WSB2: variants seen among roughly 807,000 people sequenced by gnomAD.
The protein encoded by WSB2 is WD repeat and SOCS box-containing protein 2.
A neutral mutation model predicts 48.8 loss-of-function variants in WSB2; 12 were observed. The ratio of observed to expected loss-of-function variants is 0.25; its 90% confidence interval spans 0.16 to 0.40. WSB2 has a LOEUF of 0.40. WSB2 is among the 10% of genes least tolerant of loss of function. The pLI is 1.00. For missense variants in WSB2, 317 were observed against 506.2 expected (o/e 0.63, Z 3.59); for synonymous variants, 191 against 203.1 (o/e 0.94, Z 0.51).
intron 2 of WSB2, among the ~76,000 whole-genome samples, chr12:118,048,980 C>T (rs2031796917): frequency 1.3e-5 from 2 of 152,108 alleles, no homozygotes; most frequent in Non-Finnish European, 2.9e-5. Context: ...AGCTCTAGGT[C>T]ATGTGACAGA....
intron 8 of WSB2, 82 bp downstream of exon 8, chr12:118,034,904 C>A: frequency 7.4e-7 from 1 of 1,358,246 alleles, no homozygotes; most frequent in South Asian, 1.3e-5. Flanking sequence ...CAAGAAAATT[C>A]TAGATGGTTT....
intron 7 of WSB2, 42 bp downstream of exon 7, chr12:118,035,172 G>A: frequency 1.2e-6 from 2 of 1,612,782 alleles, no homozygotes. Context: ...TTACTTGCAA[G>A]CACTTGTTCT....
intron 4 of WSB2, among the ~76,000 whole-genome samples, chr12:118,038,738 T>A (rs2031566899): frequency 6.6e-6 from 1 of 152,134 alleles, no homozygotes; most frequent in African/African-American, 2.4e-5. Flanking sequence ...TAGAATACAG[T>A]GGCGCGATCT....
At chr12:118,036,827 A>G (rs945277531) in intron 5 of WSB2, among the ~76,000 whole-genome samples, 1 of 152,202 alleles carries the variant, frequency 6.6e-6, no homozygotes, top group Non-Finnish European at 1.5e-5. Context: ...CTGTTTGCCA[A>G]TAGGGTAGTC....
chr12:118,058,594 T>C (rs926582159), intron 1 of WSB2, among the ~76,000 whole-genome samples: 1 of 152,262 alleles, frequency 6.6e-6, no homozygotes, highest in Admixed American at 6.5e-5. Context: ...TCAAGTGATC[T>C]ACCCAAGTTG....
chr12:118,058,799 C>T (rs956231088), intron 1 of WSB2, among the ~76,000 whole-genome samples: 1 of 151,816 alleles, frequency 6.6e-6, no homozygotes, highest in African/African-American at 2.4e-5. Context: ...CCAGTTCAAG[C>T]GGTTCTCCTG....
Position 118,034,340 on chromosome 12 carries a change from G to A in WSB2, c.1071C>T (p.Val357=), listed in dbSNP as rs1250976470. Residue 357 remains valine (V), a synonymous_variant, in exon 9 of 9, where the codon GTC becomes GTT. Coordinates refer to ENST00000315436, the MANE Select transcript of WSB2 (RefSeq NM_018639.5). The stretch of plus-strand genomic sequence containing the variant: ...GGACCCTAGGAGCTGTCCAGAACTG[G>A]ACGTGGCCATCTCTTGTCCTAAAAT... The part of the protein sequence containing the change: ...VIATGTRDGH[V]QFWTAPRVLS... 21 of 1,614,088 alleles carry A rather than the reference G, an allele frequency of 1.3e-5. No individual in the cohort carries two copies. Among genetic ancestry groups the A allele is most frequent in the Non-Finnish European group, 1.7e-5 (20 of 1,179,966 alleles).
rs1049680144 is a variant in WSB2, at chr12:118,033,896, C to T, written c.*300G>A. 8.4e-6 allele frequency: 3 copies of T among 358,062 alleles called. No homozygotes were observed. Among genetic ancestry groups the T allele is most frequent in the African/African-American group, 6.2e-5 (3 of 48,056 alleles). 22.2% of individuals were successfully genotyped at this position (358,062 alleles called of 1,614,324 possible). A position where few individuals can be genotyped will look rare whatever the true frequency, so the allele number is the denominator to read the frequency against. The stretch of plus-strand genomic sequence containing the variant: ...ATAATCAAAACAACATCAGTAACTG[C>T]ACTTTGAATCAAAACAAGCAGAAAG... On this transcript the variant is annotated 3_prime_UTR_variant, in exon 9 of 9. Coordinates refer to ENST00000315436, the MANE Select transcript of WSB2 (RefSeq NM_018639.5).
intron 4 of WSB2, among the ~76,000 whole-genome samples, chr12:118,041,112 G>A (rs2137773312): frequency 6.6e-6 from 1 of 152,318 alleles, no homozygotes; most frequent in Non-Finnish European, 1.5e-5. Flanking sequence ...GCCTTCAGAT[G>A]AGGATGCATG....
At chr12:118,037,556 T>A (rs1232606252) in intron 5 of WSB2, among the ~76,000 whole-genome samples, 1 of 151,496 alleles carries the variant, frequency 6.6e-6, no homozygotes, top group Non-Finnish European at 1.5e-5. Flanking sequence ...TAATCCCAGC[T>A]ACTCGGGAGG....
chr12:118,046,329 G>T (rs891153751), intron 2 of WSB2, among the ~76,000 whole-genome samples: 1 of 151,934 alleles, frequency 6.6e-6, no homozygotes, highest in South Asian at 2.1e-4. Context: ...CAGGCCTGGT[G>T]GGGGGTGCCT....
At chr12:118,057,914 A>C (rs1593475644) in intron 1 of WSB2, among the ~76,000 whole-genome samples, 2 of 140,960 alleles carry the variant, frequency 1.4e-5, no homozygotes, top group African/African-American at 2.7e-5. Context: ...GTACCACCAC[A>C]CTCAGCATTT....
intron 5 of WSB2, among the ~76,000 whole-genome samples, chr12:118,037,668 A>T (rs11068778): frequency 0.17 from 18,504 of 110,620 alleles, 1,700 homozygotes; most frequent in East Asian, 0.48. Context: ...AACTCTGTCT[A>T]AAAAAAAAAA....
intron 2 of WSB2, among the ~76,000 whole-genome samples, 162 bp from the exon 3 acceptor site, chr12:118,043,539 G>A (rs960455718): frequency 1.3e-5 from 2 of 152,272 alleles, no homozygotes; most frequent in South Asian, 4.1e-4. Flanking sequence ...CGACCTCCCT[G>A]TTCAACTGAT....
chr12:118,043,000 A>T, intron 3 of WSB2, 28 bp from the exon 4 acceptor site: 1 of 1,614,054 alleles, frequency 6.2e-7, no homozygotes, highest in Non-Finnish European at 8.5e-7. Context: ...GCACTGAGTC[A>T]GCCAGAGAGG....
chr12:118,060,752 C>A lies in WSB2; in HGVS notation c.13+284G>T, dbSNP rs2032045977. 1.3e-5 allele frequency among the ~76,000 whole-genome samples: 2 copies of A among 152,086 alleles called. 1 individual carries two copies. The highest frequency in any genetic ancestry group is 4.8e-5 in the African/African-American group (2 of 41,452). ...CGCCCCGAGTCCCACCCGGGAGCCC[C>A]CTCTGTCCCGGTCGGGGGATCTCCT... is the stretch of plus-strand genomic sequence containing the variant. On this transcript the variant is annotated intron_variant, in intron 1 of 8. Coordinates refer to ENST00000315436, the MANE Select transcript of WSB2 (RefSeq NM_018639.5). The surrounding 1 kb of genome is among the most constrained non-coding windows in gnomAD (Gnocchi z 4.1).
intron 1 of WSB2, among the ~76,000 whole-genome samples, chr12:118,056,001 C>T (rs2031951897): frequency 6.6e-6 from 1 of 151,748 alleles, no homozygotes; most frequent in African/African-American, 2.4e-5. Context: ...AACCCCTCTC[C>T]ATCTCTACTC....
intron 1 of WSB2, among the ~76,000 whole-genome samples, chr12:118,059,314 C>G (rs1403358238): frequency 6.6e-6 from 1 of 151,698 alleles, no homozygotes; most frequent in Non-Finnish European, 1.5e-5. Context: ...GTTCTTTTTT[C>G]TTTTTTTTAA....
rs1431932370 is a variant in WSB2 at position 118,041,777 on chromosome 12, CAG to C, written c.559+1062_559+1063del. On this transcript the variant is annotated intron_variant, in intron 4 of 8. Coordinates refer to ENST00000315436, the MANE Select transcript of WSB2 (RefSeq NM_018639.5). Reference sequence around the variant, plus strand: ...TTTTTTTTTTTTTTTTTTTTTGAGACAGAGTCTTGCTCTGTTGCCCAGGCTGG... The same window carrying C: ...TTTTTTTTTTTTTTTTTTTTTGAGACAGTCTTGCTCTGTTGCCCAGGCTGG... Among the ~76,000 whole-genome samples the C allele has an allele frequency of 5.0e-5, 6 of 119,272 alleles. No homozygotes were observed. The East Asian group carries it at 1.0e-3, about 21-fold the overall frequency. 78.2% of individuals were successfully genotyped at this position (119,272 alleles called of 152,430 possible).
Sources: allele counts gnomAD v4.1 joint callset (sites outside exome capture counted in the v4.1 genomes callset), GRCh38; gene constraint gnomAD v4.1.1; non-coding constraint Gnocchi (gnomAD v3.1); transcripts MANE v1.5; gene names NCBI Gene and HGNC (gene_info 2026-07-23, HGNC 2026-07-21).